Variants in ME3 observed in about 807,000 individuals in gnomAD.
ME3 encodes malic enzyme 3, also known as NADP-dependent malic enzyme, mitochondrial.
In ME3, 48 loss-of-function variants were observed where a neutral mutation model predicts 68.9. That is an observed-to-expected ratio of 0.70 (90% CI 0.55 to 0.89). The LOEUF is 0.89. Among genes scored for constraint, ME3 ranks in the 40% least tolerant of loss-of-function variants. The probability of loss-of-function intolerance (pLI) is 0.00; values close to 1 mark genes in which losing one functional copy is unlikely to be tolerated. For synonymous variants in ME3, 320 were observed against 318.8 expected (o/e 1.00, Z -0.04); for missense variants, 675 against 797.4 (o/e 0.85, Z 1.85).
Position 86,627,130 on chromosome 11 carries a change from G to A in ME3, c.183+44632C>T, listed in dbSNP as rs78029407. Among the ~76,000 whole-genome samples, 1,320 of 152,280 alleles carry A rather than the reference G, an allele frequency of 8.7e-3. 48 individuals carry two copies. Among genetic ancestry groups the A allele is most frequent in the East Asian group, 0.04 (206 of 5,188 alleles). ...AGCAGACAGAACACAGGCAGTATGGGGCCAGCCCATGCAAGATGTTGGAGA... is the reference window on the plus strand; with the variant it reads ...AGCAGACAGAACACAGGCAGTATGGAGCCAGCCCATGCAAGATGTTGGAGA... On this transcript the variant is annotated intron_variant, in intron 2 of 14. Transcript: ENST00000543262.
At chr11:86,492,034 C>T (rs902594195) in intron 6 of ME3, among the ~76,000 whole-genome samples, 4 of 152,168 alleles carry the variant, frequency 2.6e-5, no homozygotes, top group African/African-American at 9.7e-5. Context: ...TCAGGATGCT[C>T]CCCTCTGAGC....
rs182920452 is a variant in ME3 at position 86,583,985 on chromosome 11, T to A, written c.184-24162A>T. On this transcript the variant is annotated intron_variant, in intron 2 of 14. Coordinates refer to ENST00000543262, the Ensembl canonical transcript of ME3. ...CAAGTGGGACTGTATCAAACTAAAA[T>A]GCCTCTGCACAGCAAAGAAAACAAT... Among the ~76,000 whole-genome samples, 35 of 152,212 alleles carry A rather than the reference T, an allele frequency of 2.3e-4. 2 individuals carry two copies. The South Asian group carries it at 3.9e-3, about 17-fold the overall frequency.
At chr11:86,623,066 G>C (rs1269911289) in intron 2 of ME3, among the ~76,000 whole-genome samples, 1 of 152,208 alleles carries the variant, frequency 6.6e-6, no homozygotes, top group Admixed American at 6.5e-5. Context: ...AGAATACCGA[G>C]ACAGCAGGTA....
intron 2 of ME3, among the ~76,000 whole-genome samples, chr11:86,590,853 T>A (rs1013099827): frequency 5.3e-5 from 8 of 152,232 alleles, no homozygotes; most frequent in Non-Finnish European, 1.2e-4. Context: ...TTCCCTTTGA[T>A]GAGCCCACTA....
intron 2 of ME3, 147 bp from the exon 3 acceptor site, chr11:86,559,970 T>A: frequency 1.2e-6 from 1 of 815,598 alleles, no homozygotes; most frequent in Non-Finnish European, 1.8e-6. Context: ...GCTATTAAAG[T>A]AGGAGGGTCA....
At chr11:86,509,398 T>TCACACACACACACACA (rs3045014) in intron 4 of ME3, among the ~76,000 whole-genome samples, 139 of 144,658 alleles carry the variant, frequency 9.6e-4, no homozygotes, top group Middle Eastern at 3.5e-3. Context: ...TACTCCATCA[T>TCACACACACACACACA]CACACACACA....
chr11:86,507,337 C>T (rs1953159252), intron 5 of ME3, among the ~76,000 whole-genome samples: 1 of 152,148 alleles, frequency 6.6e-6, no homozygotes, highest in Non-Finnish European at 1.5e-5. Context: ...CAAATATGGG[C>T]CCATATACCT....
chr11:86,485,097 G>A (rs1951611744), intron 7 of ME3, among the ~76,000 whole-genome samples: 1 of 152,212 alleles, frequency 6.6e-6, no homozygotes, highest in Non-Finnish European at 1.5e-5. Context: ...AGTGCAATGT[G>A]AGACAGCCCT....
At chr11:86,617,128 C>T (rs1009627702) in intron 2 of ME3, among the ~76,000 whole-genome samples, 20 of 109,570 alleles carry the variant, frequency 1.8e-4, no homozygotes, top group Non-Finnish European at 2.2e-4. Context: ...GTTTTCAGTT[C>T]TGGGTCTGGC....
chr11:86,666,184 T>C (rs1260197113), intron 2 of ME3, among the ~76,000 whole-genome samples: 1 of 152,234 alleles, frequency 6.6e-6, no homozygotes, highest in Non-Finnish European at 1.5e-5. Context: ...CAGCTAAATG[T>C]AGCATATGAC....
At chr11:86,480,439 T>G (rs1951333975) in intron 7 of ME3, among the ~76,000 whole-genome samples, 1 of 152,222 alleles carries the variant, frequency 6.6e-6, no homozygotes, top group African/African-American at 2.4e-5. Flanking sequence ...TTTGTGTACT[T>G]TCACAGGAAG....
chr11:86,658,251 G>A (rs1208957423), intron 2 of ME3, among the ~76,000 whole-genome samples: 1 of 151,904 alleles, frequency 6.6e-6, no homozygotes, highest in East Asian at 1.9e-4. Context: ...AGCCACCCGA[G>A]TAGATAGGAT....
intron 2 of ME3, among the ~76,000 whole-genome samples, chr11:86,656,640 C>T (rs994839108): frequency 1.3e-5 from 2 of 151,380 alleles, no homozygotes; most frequent in African/African-American, 2.4e-5. Context: ...GGAGATATAC[C>T]TAATGTTAAA....
At position 86,599,848 on chromosome 11, in the gene ME3, A is replaced by G. The variant is rs558621835; in HGVS notation, c.184-40025T>C. Among the ~76,000 whole-genome samples the G allele has an allele frequency of 5.3e-3, 814 of 152,282 alleles. 5 individuals are homozygous for G. The highest frequency in any genetic ancestry group is 0.019 in the African/African-American group (769 of 41,566). On this transcript the variant is annotated intron_variant, in intron 2 of 14. Transcript: ENST00000543262. ...AACCCAGAATTTCATATCCAGCCAA[A>G]CTAAGCTTCATAAGTGGAGAAATAA...
At chr11:86,589,374 A>C (rs1035155525) in intron 2 of ME3, among the ~76,000 whole-genome samples, 4 of 151,838 alleles carry the variant, frequency 2.6e-5, no homozygotes, top group Non-Finnish European at 5.9e-5. Flanking sequence ...AAAGAAAGAG[A>C]GAGAATATAT....
chr11:86,618,022 T>C (rs187070473), intron 2 of ME3, among the ~76,000 whole-genome samples: 2 of 152,178 alleles, frequency 1.3e-5, no homozygotes, highest in African/African-American at 4.8e-5. Context: ...AGATGTAGGA[T>C]CATGGCTGGG....
At chr11:86,552,544 A>G (rs563628541) in intron 4 of ME3, among the ~76,000 whole-genome samples, 31 of 152,212 alleles carry the variant, frequency 2.0e-4, no homozygotes, top group African/African-American at 6.5e-4. Context: ...CATCCTGTCA[A>G]TTTAACCAGA....
chr11:86,652,075 C>G (rs889848430), intron 2 of ME3, among the ~76,000 whole-genome samples: 2 of 152,108 alleles, frequency 1.3e-5, no homozygotes, highest in Non-Finnish European at 2.9e-5. Context: ...ACAAACCCTC[C>G]AAGAAATATG....
At chr11:86,553,736 A>T (rs1197102536) in intron 4 of ME3, among the ~76,000 whole-genome samples, 1 of 152,140 alleles carries the variant, frequency 6.6e-6, no homozygotes, top group Non-Finnish European at 1.5e-5. Context: ...AGGCCCCCGG[A>T]CCCTGCTGGA....
Sources: allele counts gnomAD v4.1 joint callset (sites outside exome capture counted in the v4.1 genomes callset), GRCh38; gene constraint gnomAD v4.1.1; transcripts MANE v1.5; gene names NCBI Gene and HGNC (gene_info 2026-07-23, HGNC 2026-07-21).